The following COX5A variants were observed in gnomAD, a reference collection of about 807,000 sequenced individuals.
COX5A encodes cytochrome c oxidase subunit 5A, also known as cytochrome c oxidase subunit 5A, mitochondrial.
A neutral mutation model predicts 16.1 loss-of-function variants in COX5A; 6 were observed. The ratio of observed to expected loss-of-function variants is 0.37; its 90% CI spans 0.20 to 0.73. COX5A has a LOEUF of 0.73. Among genes scored for constraint, COX5A ranks in the 30% least tolerant of loss-of-function variants. The pLI, the probability that COX5A is intolerant of heterozygous loss-of-function variation, is 0.50. For missense variants in COX5A, 159 were observed against 194.9 expected, an observed-to-expected ratio of 0.82 and a Z score of 1.10; for synonymous variants, 73 against 73.8, an observed-to-expected ratio of 0.99 and a Z score of 0.06.
Position 74,937,967 on chromosome 15 carries a change from C to T in COX5A, c.48G>A (p.Arg16=). The T allele has an allele frequency of 8.1e-7, 1 of 1,233,186 alleles. No homozygotes were observed. The highest frequency in any genetic ancestry group is 4.2e-5 in the Admixed American group (1 of 23,660). The allele number at this position is 1,233,186 out of a possible 1,614,324, so 76.4% of individuals were successfully genotyped here. A position where few individuals can be genotyped will look rare whatever the true frequency, so the allele number is the denominator to read the frequency against. Residue 16 remains arginine, a synonymous_variant, in exon 1 of 5, where the codon CGG becomes CGA. Transcript: ENST00000322347. ...LRRCAVAATT[R]ADPRGLLHSA... ...AGTGCAGGAGGCCTCGAGGGTCGGC[C>T]CGGGTGGTTGCGGCCACAGCGCAGC...
chr15:74,928,527 G>A (rs1335915755), intron 2 of COX5A, among the ~76,000 whole-genome samples: 3 of 152,034 alleles, frequency 2.0e-5, no homozygotes, highest in Non-Finnish European at 2.9e-5. Context: ...TGTGACTACA[G>A]GCGCCCGCCA....
chr15:74,934,071 C>T (rs148379183), intron 1 of COX5A, among the ~76,000 whole-genome samples: 181 of 152,182 alleles, frequency 1.2e-3, no homozygotes, highest in African/African-American at 4.2e-3. Flanking sequence ...CCAGCTTGGG[C>T]AACAAAGACA....
chr15:74,932,164 T>C (rs1438766071), intron 1 of COX5A, among the ~76,000 whole-genome samples: 1 of 152,208 alleles, frequency 6.6e-6, no homozygotes, highest in African/African-American at 2.4e-5. Context: ...ATTAAACAAA[T>C]GGTAGCTATA....
At chr15:74,921,293 A>G (rs2065318709) in intron 4 of COX5A, among the ~76,000 whole-genome samples, 1 of 150,984 alleles carries the variant, frequency 6.6e-6, no homozygotes, top group African/African-American at 2.4e-5. Context: ...CTGTAGTCCC[A>G]GCTACTCGGG....
chr15:74,933,385 G>A (rs1023827304), intron 1 of COX5A, among the ~76,000 whole-genome samples: 4 of 149,744 alleles, frequency 2.7e-5, no homozygotes, highest in African/African-American at 9.7e-5. Context: ...TTCCAGCCTG[G>A]GCGACAGAGC....
chr15:74,930,093 C>T (rs2065360133), intron 1 of COX5A, among the ~76,000 whole-genome samples: 1 of 145,974 alleles, frequency 6.9e-6, no homozygotes, highest in Non-Finnish European at 1.5e-5. Flanking sequence ...AACAAACAAA[C>T]AAACAAAAAC....
chr15:74,923,732 G>T lies in COX5A; in HGVS notation c.378C>A (p.Val126=), dbSNP rs1373584697. The part of the protein sequence containing the change: ...AGPHKEIYPY[V]IQELRPTLNE... ...TTAAAGTTGGTCTAAGTTCCTGGAT[G>T]ACATAGGGGTAGATTTCCTTATGAG... is the stretch of plus-strand genomic sequence containing the variant. The change falls in exon 4 of 5, where the codon GTC becomes GTA. Residue 126 remains valine, a synonymous_variant. Coordinates refer to ENST00000322347, the MANE Select transcript of COX5A (RefSeq NM_004255.4). 13 of 1,611,352 alleles carry T rather than the reference G, an allele frequency of 8.1e-6. No homozygotes were observed. The highest frequency in any genetic ancestry group is 1.1e-5 in the Non-Finnish European group (13 of 1,179,170).
chr15:74,937,842 C>G (rs2065398845), intron 1 of COX5A, 73 bp downstream of exon 1: 1 of 958,216 alleles, frequency 1.0e-6, no homozygotes, highest in South Asian at 5.4e-5. Context: ...GAGAGCCCGC[C>G]CCGGAGTGGC....
chr15:74,920,185 C>A lies in COX5A; in HGVS notation c.*267G>T. On this transcript the variant is annotated 3_prime_UTR_variant, in exon 5 of 5. Coordinates refer to ENST00000322347, the MANE Select transcript of COX5A (RefSeq NM_004255.4). Reference sequence around the variant, plus strand: ...GTTTCCAGAGAATTAACACAGTTCTCTCAGCATGTAAGAGGGCAGCAAAAC... The same window carrying A: ...GTTTCCAGAGAATTAACACAGTTCTATCAGCATGTAAGAGGGCAGCAAAAC... 1.9e-6 allele frequency: 1 copy of A among 534,174 alleles called. No individual in the cohort carries two copies. The highest frequency in any genetic ancestry group is 3.2e-6 in the Non-Finnish European group (1 of 310,576). The allele number at this position is 534,174 out of a possible 1,614,324, so 33.1% of individuals were successfully genotyped here.
In COX5A at chr15:74,938,023, T is replaced by G; in HGVS notation, c.-9A>C. 1 of 1,229,950 alleles carries G rather than the reference T, an allele frequency of 8.1e-7. No homozygotes were observed. The highest frequency in any genetic ancestry group is 4.1e-5 in the South Asian group (1 of 24,344). The allele number at this position is 1,229,950 out of a possible 1,614,324, so 76.2% of individuals were successfully genotyped here. A position where few individuals can be genotyped will look rare whatever the true frequency, so the allele number is the denominator to read the frequency against. On this transcript the variant is annotated 5_prime_UTR_variant, in exon 1 of 5. Coordinates refer to ENST00000322347, the MANE Select transcript of COX5A (RefSeq NM_004255.4). Reference sequence around the variant, plus strand: ...AGAGCGGCGCCCAGCATGACGGCGATGGCGGCGCGCGGGCTGAGGACAGAG... The same window carrying G: ...AGAGCGGCGCCCAGCATGACGGCGAGGGCGGCGCGCGGGCTGAGGACAGAG...
rs549492885 is a variant in COX5A at position 74,936,688 on chromosome 15, G to A, written c.100+1227C>T. ...GTCGGCCAGGCTGGAGTGCAATGGC[G>A]CGATTTCGGCTCACTGCAACCTCCG... is the stretch of plus-strand genomic sequence containing the variant. On this transcript the variant is annotated intron_variant, in intron 1 of 4. Transcript: ENST00000322347. Among the ~76,000 whole-genome samples, 32 of 147,036 alleles carry A rather than the reference G, an allele frequency of 2.2e-4. No individual in the cohort carries two copies. The South Asian group carries it at 6.4e-3, about 29-fold the overall frequency.
chr15:74,924,504 G>A (rs1367617133), intron 3 of COX5A, among the ~76,000 whole-genome samples: 4 of 151,254 alleles, frequency 2.6e-5, no homozygotes, highest in Non-Finnish European at 4.4e-5. Flanking sequence ...CTAGGGGACA[G>A]AGCGAGACTC....
At chr15:74,924,733 G>A (rs376102109) in intron 3 of COX5A, among the ~76,000 whole-genome samples, 9 of 152,252 alleles carry the variant, frequency 5.9e-5, no homozygotes, top group East Asian at 1.9e-4. Flanking sequence ...TTAAGTTAAC[G>A]GGAAAAGTTT....
At chr15:74,933,421 ATCTATCTATCTATC>A (rs2065375589) in intron 1 of COX5A, among the ~76,000 whole-genome samples, 1 of 57,714 alleles carries the variant, frequency 1.7e-5, no homozygotes, top group Non-Finnish European at 3.0e-5. Context: ...AAAAAAAAAT[ATCTATCTATCTATC>A]TATCTATCTA....
chr15:74,922,416 T>G (rs1454097576), intron 4 of COX5A, among the ~76,000 whole-genome samples: 2 of 152,124 alleles, frequency 1.3e-5, no homozygotes, highest in African/African-American at 4.8e-5. Context: ...AAAAGTAGAT[T>G]ACAAAGTTTT....
At chr15:74,931,724 T>G (rs1175561637) in intron 1 of COX5A, among the ~76,000 whole-genome samples, 1 of 152,010 alleles carries the variant, frequency 6.6e-6, no homozygotes, top group East Asian at 1.9e-4. Context: ...TGGCTAAGTT[T>G]TGTATTTTGA....
intron 3 of COX5A, among the ~76,000 whole-genome samples, chr15:74,926,423 G>T (rs1255808281): frequency 6.7e-6 from 1 of 150,342 alleles, no homozygotes; most frequent in Non-Finnish European, 1.5e-5. Context: ...TGATCCACCC[G>T]CCTTAGCCTC....
intron 4 of COX5A, among the ~76,000 whole-genome samples, chr15:74,921,407 CAA>C (rs56979177): frequency 2.6e-4 from 21 of 79,476 alleles, no homozygotes; most frequent in Admixed American, 8.2e-4. Context: ...GACTCCGTCT[CAA>C]AAAAAAAAAA....
At chr15:74,934,674 G>C (rs574680241) in intron 1 of COX5A, among the ~76,000 whole-genome samples, 1 of 152,170 alleles carries the variant, frequency 6.6e-6, no homozygotes, top group South Asian at 2.1e-4. Context: ...GGTAAAGCAG[G>C]ATCTATTCTA....
Sources: allele counts gnomAD v4.1 joint callset (sites outside exome capture counted in the v4.1 genomes callset), GRCh38; gene constraint gnomAD v4.1.1; transcripts MANE v1.5; gene names NCBI Gene and HGNC (gene_info 2026-07-23, HGNC 2026-07-21).